Variants in SLC24A3 observed in about 807,000 individuals in gnomAD.
SLC24A3 encodes sodium/potassium/calcium exchanger 3.
SLC24A3 carries 28 observed loss-of-function variants against 75.8 expected under a neutral mutation model. The ratio of observed to expected loss-of-function variants is 0.37; its 90% CI spans 0.27 to 0.51. The LOEUF (loss-of-function observed/expected upper bound fraction) is 0.51, where lower values mean the gene tolerates loss of function less well. Ranked by LOEUF, SLC24A3 falls within the 20% of genes least tolerant of loss-of-function variation. The probability of loss-of-function intolerance (pLI) is 0.94; values close to 1 mark genes in which losing one functional copy is unlikely to be tolerated. For synonymous variants in SLC24A3, 372 were observed against 334.1 expected (o/e 1.11, Z -1.24); for missense variants, 663 against 847.8 (o/e 0.78, Z 2.71).
chr20:19,241,206 G>A lies in SLC24A3; in HGVS notation c.142+28222G>A, dbSNP rs144908074. Among the ~76,000 whole-genome samples the A allele has an allele frequency of 4.8e-3, 737 of 152,356 alleles. 3 individuals are homozygous for A. Among genetic ancestry groups the A allele is most frequent in the Non-Finnish European group, 8.5e-3 (579 of 68,036 alleles). ...AGATGTGGCTGTTAGGGTAGGACAC[G>A]GACGGGGTTATCCAGAGGTGTGGGG... On this transcript the variant is annotated intron_variant, in intron 1 of 16. Coordinates refer to ENST00000328041, the MANE Select transcript of SLC24A3 (RefSeq NM_020689.4).
At chr20:19,492,042 C>T (rs1988216842) in intron 2 of SLC24A3, among the ~76,000 whole-genome samples, 1 of 152,116 alleles carries the variant, frequency 6.6e-6, no homozygotes, top group African/African-American at 2.4e-5. Flanking sequence ...GGAGGCACAC[C>T]GAAGCGGGGT....
At chr20:19,453,767 C>G (rs1251641081) in intron 2 of SLC24A3, among the ~76,000 whole-genome samples, 1 of 152,194 alleles carries the variant, frequency 6.6e-6, no homozygotes, top group African/African-American at 2.4e-5. Flanking sequence ...GTGTCACCCC[C>G]ATTGGAGCTG....
chr20:19,455,183 G>A (rs1325632182), intron 2 of SLC24A3, among the ~76,000 whole-genome samples: 2 of 152,168 alleles, frequency 1.3e-5, no homozygotes, highest in African/African-American at 4.8e-5. Flanking sequence ...GAGCAAAAGC[G>A]GGACCCTGTT....
intron 2 of SLC24A3, among the ~76,000 whole-genome samples, chr20:19,348,006 C>T (rs1028045958): frequency 3.3e-5 from 5 of 152,330 alleles, no homozygotes; most frequent in Non-Finnish European, 7.3e-5. Context: ...CTGAATGTTT[C>T]TCTCTGATTC....
intron 4 of SLC24A3, among the ~76,000 whole-genome samples, chr20:19,584,001 G>A (rs1464824130): frequency 1.3e-5 from 2 of 152,218 alleles, no homozygotes; most frequent in Admixed American, 6.5e-5. Context: ...CTCTCTGGCT[G>A]AGCAAGGAAG....
chr20:19,570,540 A>G (rs1354533091), intron 3 of SLC24A3, among the ~76,000 whole-genome samples: 1 of 151,996 alleles, frequency 6.6e-6, no homozygotes, highest in Non-Finnish European at 1.5e-5. Context: ...GATGCTAGGG[A>G]CCCCCATTTT....
chr20:19,567,328 G>A (rs1248079389), intron 3 of SLC24A3, among the ~76,000 whole-genome samples: 2 of 152,132 alleles, frequency 1.3e-5, no homozygotes, highest in East Asian at 3.9e-4. Context: ...ATACACGATG[G>A]AATTCTACAC....
chr20:19,643,586 A>T (rs1464321013), intron 6 of SLC24A3, among the ~76,000 whole-genome samples: 2 of 152,206 alleles, frequency 1.3e-5, no homozygotes, highest in African/African-American at 2.4e-5. Flanking sequence ...ACCATGAAAA[A>T]TATCAGCTTC....
Position 19,397,130 on chromosome 20 carries a change from C to A in SLC24A3, c.271+116043C>A, listed in dbSNP as rs182870531. Among the ~76,000 whole-genome samples, 374 of 152,318 alleles carry A rather than the reference C, an allele frequency of 2.5e-3. 1 individual carries two copies. Among genetic ancestry groups the A allele is most frequent in the African/African-American group, 8.7e-3 (362 of 41,574 alleles). ...CATTTCAACCCCACTCAATAGAATTCATTCTTTCAGTCTCAATGTAAACAT... is the reference window on the plus strand; with the variant it reads ...CATTTCAACCCCACTCAATAGAATTAATTCTTTCAGTCTCAATGTAAACAT... On this transcript the variant is annotated intron_variant, in intron 2 of 16. Coordinates refer to ENST00000328041, the MANE Select transcript of SLC24A3 (RefSeq NM_020689.4).
At chr20:19,238,967 C>G (rs1982249663) in intron 1 of SLC24A3, among the ~76,000 whole-genome samples, 1 of 21,906 alleles carries the variant, frequency 4.6e-5, no homozygotes, top group Admixed American at 7.2e-4. Context: ...TGGGCGCATG[C>G]ACACACACAC....
intron 1 of SLC24A3, among the ~76,000 whole-genome samples, chr20:19,274,461 G>A (rs1193685956): frequency 6.6e-6 from 1 of 152,044 alleles, no homozygotes; most frequent in Non-Finnish European, 1.5e-5. Flanking sequence ...TGCTGGGTTA[G>A]GAGAGGTCTG....
chr20:19,219,935 T>C (rs548124724), intron 1 of SLC24A3, among the ~76,000 whole-genome samples: 5 of 152,314 alleles, frequency 3.3e-5, no homozygotes, highest in African/African-American at 9.6e-5. Context: ...GACCTGGTTA[T>C]AGGAATAGAC....
chr20:19,414,700 G>A (rs939502407), intron 2 of SLC24A3, among the ~76,000 whole-genome samples: 3 of 152,100 alleles, frequency 2.0e-5, no homozygotes, highest in Admixed American at 6.5e-5. Context: ...TTTTCAGAAA[G>A]GGTATCTTTT....
At chr20:19,436,589 T>A (rs549930873) in intron 2 of SLC24A3, among the ~76,000 whole-genome samples, 2 of 152,300 alleles carry the variant, frequency 1.3e-5, no homozygotes, top group Middle Eastern at 3.4e-3. Flanking sequence ...TGGCTGCCTC[T>A]CTCATCATAT....
chr20:19,274,048 C>T (rs757433843), intron 1 of SLC24A3, among the ~76,000 whole-genome samples: 4 of 150,770 alleles, frequency 2.7e-5, no homozygotes, highest in Non-Finnish European at 5.9e-5. Context: ...TCCCCTCTTC[C>T]CCTCTGGGTT....
intron 7 of SLC24A3, among the ~76,000 whole-genome samples, chr20:19,660,613 CTT>C (rs909813285): frequency 1.3e-5 from 2 of 152,114 alleles, no homozygotes; most frequent in African/African-American, 4.8e-5. Context: ...ACGCAGGTGT[CTT>C]TTTGATAGAA....
At chr20:19,671,754 A>T (rs538662962) in intron 8 of SLC24A3, among the ~76,000 whole-genome samples, 282 of 152,202 alleles carry the variant, frequency 1.9e-3, no homozygotes, top group South Asian at 1.5e-3. Flanking sequence ...CAAATATATG[A>T]ATCTGGAGCT....
chr20:19,595,609 T>G (rs1307945472), intron 6 of SLC24A3, among the ~76,000 whole-genome samples: 1 of 152,206 alleles, frequency 6.6e-6, no homozygotes, highest in Non-Finnish European at 1.5e-5. Context: ...TGATTTCATG[T>G]GGACTTCCAT....
intron 16 of SLC24A3, among the ~76,000 whole-genome samples, chr20:19,718,796 A>G (rs1389623073): frequency 4.6e-5 from 7 of 152,228 alleles, no homozygotes. Flanking sequence ...GGAAGAGGTC[A>G]AGAAAGCCAT....
Sources: allele counts gnomAD v4.1 joint callset (sites outside exome capture counted in the v4.1 genomes callset), GRCh38; gene constraint gnomAD v4.1.1; transcripts MANE v1.5; gene names NCBI Gene and HGNC (gene_info 2026-07-23, HGNC 2026-07-21).